Variants in SFMBT2 observed in about 807,000 individuals in gnomAD.
SFMBT2 encodes the protein scm-like with four MBT domains protein 2.
SFMBT2 carries 38 observed loss-of-function variants against 110.1 expected under a neutral mutation model. The observed-to-expected ratio is 0.35, with a 90% CI of 0.27 to 0.45. SFMBT2 has a LOEUF of 0.45. Ranked by LOEUF, SFMBT2 falls within the 20% of genes least tolerant of loss-of-function variation. The probability of loss-of-function intolerance (pLI) is 1.00; values close to 1 mark genes in which losing one functional copy is unlikely to be tolerated. For missense variants in SFMBT2, 1,011 were observed against 1,094.9 expected (o/e 0.92, Z 1.08); for synonymous variants, 425 against 425.4 (o/e 1.00, Z 0.01).
intron 4 of SFMBT2, among the ~76,000 whole-genome samples, chr10:7,289,629 G>C (rs1450186082): frequency 6.6e-6 from 1 of 152,058 alleles, no homozygotes; most frequent in African/African-American, 2.4e-5. Flanking sequence ...GACCACTTTA[G>C]GTTAAAAAGT....
chr10:7,313,661 T>G (rs906684265), intron 4 of SFMBT2, among the ~76,000 whole-genome samples: 1 of 152,200 alleles, frequency 6.6e-6, no homozygotes, highest in Non-Finnish European at 1.5e-5. Flanking sequence ...TGTTTTGTTT[T>G]GTTTAGAGAT....
rs139637909 is a variant in SFMBT2, at chr10:7,381,857, T to A, written c.42A>T (p.Ser14=). The change falls in exon 2 of 21, where the codon TCA becomes TCT. Residue 14 remains serine (S), a synonymous_variant. Transcript: ENST00000397167. ...TLSASNMQDP[S]SSPLEKCLGS... ...CGAGACACTTTTCCAAGGGTGAAGA[T>A]GAAGGGTCTTGCATATTGGAAGCTG... 9.6e-5 allele frequency: 155 copies of A among 1,613,610 alleles called. 1 individual carries two copies. The highest frequency in any genetic ancestry group is 3.3e-4 in the Middle Eastern group (2 of 6,080).
intron 3 of SFMBT2, among the ~76,000 whole-genome samples, chr10:7,369,838 TAAG>T (rs943081675): frequency 1.3e-5 from 2 of 152,178 alleles, no homozygotes; most frequent in African/African-American, 4.8e-5. Context: ...TCCTTCTTCC[TAAG>T]AAATCTTGGC....
intron 11 of SFMBT2, chr10:7,214,815 C>T: frequency 1.1e-6 from 1 of 933,838 alleles, no homozygotes; most frequent in Non-Finnish European, 1.3e-6. Flanking sequence ...AGCACAAAAA[C>T]ACTAACTGCA....
intron 4 of SFMBT2, chr10:7,294,974 A>G (rs1842362550): frequency 6.6e-6 from 1 of 152,116 alleles, no homozygotes; most frequent in African/African-American, 2.4e-5. Flanking sequence ...TCTTTTTTAT[A>G]TATACTTGTT....
Position 7,163,750 on chromosome 10 carries a change from G to A in SFMBT2, c.*20C>T. 6.2e-7 allele frequency: 1 copy of A among 1,606,638 alleles called. No homozygotes were observed. ...CAACACCGCATCCCAGCAATAATGG[G>A]CCACCTCCCGAGGGCAGACTCAGTT... On this transcript the variant is annotated 3_prime_UTR_variant, in exon 21 of 21. Transcript: ENST00000397167. The surrounding 1 kb of genome is among the most constrained non-coding windows in gnomAD (Gnocchi z 4.8).
chr10:7,322,180 G>C (rs151253695), intron 4 of SFMBT2, among the ~76,000 whole-genome samples: 140 of 152,300 alleles, frequency 9.2e-4, no homozygotes, highest in African/African-American at 3.3e-3. Flanking sequence ...TACTGATGGT[G>C]AATGAGTCTC....
chr10:7,347,662 A>G (rs1226407762), intron 4 of SFMBT2, among the ~76,000 whole-genome samples: 1 of 152,206 alleles, frequency 6.6e-6, no homozygotes, highest in Non-Finnish European at 1.5e-5. Flanking sequence ...AATGGAAAAC[A>G]GCTTCTTTTG....
chr10:7,245,926 C>T (rs1018011602), intron 8 of SFMBT2, among the ~76,000 whole-genome samples: 1 of 152,084 alleles, frequency 6.6e-6, no homozygotes, highest in African/African-American at 2.4e-5. Context: ...AATGACAGCA[C>T]AGTGTGTTAT....
chr10:7,275,160 G>A (rs1471467546), intron 7 of SFMBT2, among the ~76,000 whole-genome samples: 4 of 152,244 alleles, frequency 2.6e-5, no homozygotes, highest in African/African-American at 9.6e-5. Context: ...CTGCAGCGGG[G>A]GCTTCACTGG....
intron 10 of SFMBT2, among the ~76,000 whole-genome samples, chr10:7,226,161 A>G (rs540503996): frequency 4.1e-4 from 63 of 152,214 alleles, no homozygotes; most frequent in Non-Finnish European, 7.9e-4. Flanking sequence ...TTCTGCCTAG[A>G]TTTTTGACTG....
intron 20 of SFMBT2, among the ~76,000 whole-genome samples, chr10:7,164,887 C>A (rs998778421): frequency 6.6e-6 from 1 of 152,106 alleles, no homozygotes; most frequent in Non-Finnish European, 1.5e-5. Context: ...TACCTACACA[C>A]AGGGCATGAA....
At chr10:7,252,133 T>C (rs963591445) in intron 7 of SFMBT2, among the ~76,000 whole-genome samples, 4 of 152,216 alleles carry the variant, frequency 2.6e-5, no homozygotes, top group Non-Finnish European at 4.4e-5. Context: ...GACCGCTGAC[T>C]TGGAGTCTTT....
At chr10:7,166,515 C>T (rs186658388) in intron 20 of SFMBT2, among the ~76,000 whole-genome samples, 1 of 152,368 alleles carries the variant, frequency 6.6e-6, no homozygotes, top group Admixed American at 6.5e-5. Flanking sequence ...TGAGCATCTA[C>T]TAAGTGGCAG....
chr10:7,381,960 T>TAA lies in SFMBT2; in HGVS notation c.-51-12_-51-11insTT. On this transcript the variant is annotated splice_polypyrimidine_tract_variant and intron_variant, in intron 1 of 20. Coordinates refer to ENST00000397167, the MANE Select transcript of SFMBT2 (RefSeq NM_001387889.1). ...TGCAGAAAAAATTACCTAAGAGCAA[T>TAA]CAAAAAAAAAAAAATCAGAGCAGTT... is the stretch of plus-strand genomic sequence containing the variant. 7.5e-7 allele frequency: 1 copy of TAA among 1,337,530 alleles called. No homozygotes were observed. 82.9% of individuals were successfully genotyped at this position (1,337,530 alleles called of 1,614,324 possible). A position where few individuals can be genotyped will look rare whatever the true frequency, so the allele number is the denominator to read the frequency against.
At chr10:7,188,211 G>C (rs1588780988) in intron 16 of SFMBT2, among the ~76,000 whole-genome samples, 5 of 152,262 alleles carry the variant, frequency 3.3e-5, no homozygotes, top group Admixed American at 6.5e-5. Context: ...ACTGTCAACT[G>C]CCAGAAAAGA....
intron 16 of SFMBT2, among the ~76,000 whole-genome samples, chr10:7,184,747 G>C (rs1369104667): frequency 6.6e-6 from 1 of 152,118 alleles, no homozygotes; most frequent in East Asian, 1.9e-4. Context: ...GTCAGGCAGG[G>C]ATAGGGGTGT....
chr10:7,395,029 C>T (rs1845884253), intron 1 of SFMBT2, among the ~76,000 whole-genome samples: 2 of 152,146 alleles, frequency 1.3e-5, no homozygotes, highest in South Asian at 2.1e-4. Context: ...GTAGAGAATG[C>T]TACGTTGGGC....
intron 13 of SFMBT2, 131 bp from the exon 14 acceptor site, chr10:7,200,615 G>T: frequency 3.2e-6 from 2 of 631,378 alleles, no homozygotes; most frequent in Non-Finnish European, 5.0e-6. Context: ...AATAGAATGT[G>T]TGTATGGGAG....
Sources: allele counts gnomAD v4.1 joint callset (sites outside exome capture counted in the v4.1 genomes callset), GRCh38; gene constraint gnomAD v4.1.1; non-coding constraint Gnocchi (gnomAD v3.1); transcripts MANE v1.5; gene names NCBI Gene and HGNC (gene_info 2026-07-23, HGNC 2026-07-21).